CLNK: variants seen among roughly 807,000 people sequenced by gnomAD.
CLNK encodes cytokine-dependent hematopoietic cell linker.
In CLNK, 74 loss-of-function variants were observed where a neutral mutation model predicts 68.6. The ratio of observed to expected loss-of-function variants is 1.08; its 90% CI spans 0.89 to 1.31. The LOEUF is 1.31. Among genes scored for constraint, CLNK ranks in the 50% most tolerant of loss-of-function variants. The probability of loss-of-function intolerance (pLI) is 0.00; values close to 1 mark genes in which losing one functional copy is unlikely to be tolerated. For synonymous variants in CLNK, 198 were observed against 172.2 expected, an observed-to-expected ratio of 1.15 and a Z score of -1.17; for missense variants, 553 against 515.3, an observed-to-expected ratio of 1.07 and a Z score of -0.71.
intron 2 of CLNK, among the ~76,000 whole-genome samples, chr4:10,652,058 A>G (rs1418847586): frequency 6.6e-6 from 1 of 152,108 alleles, no homozygotes; most frequent in Non-Finnish European, 1.5e-5. Context: ...TAATTTTAGT[A>G]ACTGTAAATG....
intron 2 of CLNK, among the ~76,000 whole-genome samples, chr4:10,655,996 A>T (rs555782129): frequency 9.5e-4 from 145 of 152,156 alleles, no homozygotes; most frequent in Non-Finnish European, 1.6e-3. Context: ...TATCCATGCG[A>T]AAAAGAAAAA....
At chr4:10,651,934 A>AGTT (rs1723755947) in intron 2 of CLNK, among the ~76,000 whole-genome samples, 1 of 152,124 alleles carries the variant, frequency 6.6e-6, no homozygotes, top group Middle Eastern at 3.4e-3. Flanking sequence ...AGTAAAATGG[A>AGTT]GTTAGAAAAA....
the CLNK span, among the ~76,000 whole-genome samples, chr4:10,717,565 C>T: frequency 1.8e-4 from 27 of 152,218 alleles, no homozygotes; most frequent in Non-Finnish European, 3.2e-4. Context: ...CATTGCACTC[C>T]AGCCTGGGTG....
At chr4:10,612,479 G>A (rs1372264133) in intron 2 of CLNK, among the ~76,000 whole-genome samples, 1 of 152,202 alleles carries the variant, frequency 6.6e-6, no homozygotes, top group South Asian at 2.1e-4. Flanking sequence ...TTACAGATTG[G>A]GAGGAAAAGC....
In CLNK at chr4:10,581,482, C is replaced by T. The variant is rs373486433; in HGVS notation, c.112+3445G>A. On this transcript the variant is annotated intron_variant, in intron 4 of 18. Coordinates refer to ENST00000226951, the MANE Select transcript of CLNK (RefSeq NM_052964.4). Reference sequence around the variant, plus strand: ...CTAATAATTCGAAGCCACAGATAGTCCAAACTCACAGAAACAGCTACACAG... The same window carrying T: ...CTAATAATTCGAAGCCACAGATAGTTCAAACTCACAGAAACAGCTACACAG... Among the ~76,000 whole-genome samples the T allele has an allele frequency of 1.5e-3, 234 of 152,236 alleles. 1 individual carries two copies. Among genetic ancestry groups the T allele is most frequent in the South Asian group, 0.012 (57 of 4,820 alleles).
At chr4:10,647,755 C>T (rs190046033) in intron 2 of CLNK, among the ~76,000 whole-genome samples, 2 of 152,204 alleles carry the variant, frequency 1.3e-5, no homozygotes, top group African/African-American at 4.8e-5. Flanking sequence ...GGAAAACAAA[C>T]TGTAAAAAAA....
chr4:10,496,483 C>G (rs1716813518), intron 18 of CLNK, among the ~76,000 whole-genome samples: 1 of 152,224 alleles, frequency 6.6e-6, no homozygotes, highest in South Asian at 2.1e-4. Flanking sequence ...ACAGCTCCCT[C>G]AGAGGGAAGG....
the CLNK span, among the ~76,000 whole-genome samples, chr4:10,726,432 T>C: frequency 6.6e-6 from 1 of 152,296 alleles, no homozygotes; most frequent in African/African-American, 2.4e-5. Context: ...TGTGTGTATC[T>C]GTGTTGAAAT....
chr4:10,702,151 C>T, the CLNK span, among the ~76,000 whole-genome samples: 1 of 152,152 alleles, frequency 6.6e-6, no homozygotes, highest in Non-Finnish European at 1.5e-5. Context: ...ATGGCATGAT[C>T]TAATTTCCAT....
At chr4:10,654,786 A>T (rs1441562314) in intron 2 of CLNK, among the ~76,000 whole-genome samples, 1 of 152,160 alleles carries the variant, frequency 6.6e-6, no homozygotes, top group Non-Finnish European at 1.5e-5. Flanking sequence ...TTACAATATC[A>T]TTAAAATAAG....
At chr4:10,582,367 TGC>T (rs1720813544) in intron 4 of CLNK, among the ~76,000 whole-genome samples, 1 of 152,244 alleles carries the variant, frequency 6.6e-6, no homozygotes, top group Non-Finnish European at 1.5e-5. Context: ...CCTTGAAGAC[TGC>T]TTTCCTTAGA....
At chr4:10,541,981 C>G (rs1577117699) in intron 10 of CLNK, 41 bp downstream of exon 10, 1 of 1,426,514 alleles carries the variant, frequency 7.0e-7, no homozygotes, top group South Asian at 1.3e-5. Flanking sequence ...CAAATTATTT[C>G]ATTGTATAGC....
At chr4:10,724,708 C>A in the CLNK span, among the ~76,000 whole-genome samples, 1 of 152,048 alleles carries the variant, frequency 6.6e-6, no homozygotes, top group East Asian at 1.9e-4. Flanking sequence ...GCAAACACTG[C>A]CAGATAAGAA....
chr4:10,704,001 G>A, the CLNK span, among the ~76,000 whole-genome samples: 2 of 152,278 alleles, frequency 1.3e-5, no homozygotes, highest in East Asian at 3.9e-4. Flanking sequence ...TAAGTGCTAT[G>A]AAGAAATAGT....
At chr4:10,558,287 A>T in intron 8 of CLNK, 120 bp downstream of exon 8, 1 of 777,046 alleles carries the variant, frequency 1.3e-6, no homozygotes, top group Non-Finnish European at 2.2e-6. Flanking sequence ...CTGAAGTGTA[A>T]TTCAATAGAT....
At chr4:10,686,042 A>G (rs1259851391), upstream of CLNK, among the ~76,000 whole-genome samples, 1 of 152,126 alleles carries the variant, frequency 6.6e-6, no homozygotes, top group Non-Finnish European at 1.5e-5. Flanking sequence ...GTCAAATTGT[A>G]TTGTCTCACA....
At chr4:10,554,963 C>T in intron 8 of CLNK, among the ~76,000 whole-genome samples, 1 of 152,188 alleles carries the variant, frequency 6.6e-6, no homozygotes, top group Admixed American at 6.5e-5. Flanking sequence ...GTGGAATAAA[C>T]CTTGGCTCTG....
intron 2 of CLNK, among the ~76,000 whole-genome samples, chr4:10,644,898 G>C (rs143067439): frequency 1.3e-3 from 198 of 152,196 alleles, no homozygotes; most frequent in African/African-American, 4.2e-3. Flanking sequence ...TCTTAAGTAG[G>C]ACTTCAAATT....
Position 10,490,626 on chromosome 4 carries a change from A to G in CLNK, c.1141-13T>C, listed in dbSNP as rs1054773609. ...CTGAATCAAACTTCTGAAACACAGA[A>G]AAGAAAGTTAATGACTTTTAAAATA... On this transcript the variant is annotated splice_polypyrimidine_tract_variant and intron_variant, in intron 18 of 18. Transcript: ENST00000226951. 6.4e-7 allele frequency: 1 copy of G among 1,552,730 alleles called. No homozygotes were observed. Among genetic ancestry groups the G allele is most frequent in the African/African-American group, 1.4e-5 (1 of 73,146 alleles).
Sources: allele counts gnomAD v4.1 joint callset (sites outside exome capture counted in the v4.1 genomes callset), GRCh38; gene constraint gnomAD v4.1.1; transcripts MANE v1.5; gene names NCBI Gene and HGNC (gene_info 2026-07-23, HGNC 2026-07-21).